CLVS1: variants seen among roughly 807,000 people sequenced by gnomAD.
CLVS1 encodes the protein clavesin 1.
Under a neutral mutation model 33.1 loss-of-function variants are expected in CLVS1, and 10 were observed. The observed-to-expected ratio is 0.30, with a 90% CI of 0.19 to 0.51. The LOEUF (loss-of-function observed/expected upper bound fraction) is 0.51, where lower values mean the gene tolerates loss of function less well. Ranked by LOEUF, CLVS1 falls within the 20% of genes least tolerant of loss-of-function variation. CLVS1 has a pLI of 0.97. For synonymous variants in CLVS1, 163 were observed against 166.1 expected, an observed-to-expected ratio of 0.98 and a Z score of 0.14; for missense variants, 343 against 433.4, an observed-to-expected ratio of 0.79 and a Z score of 1.85.
At chr8:61,373,711 C>G (rs1259489520) in intron 2 of CLVS1, among the ~76,000 whole-genome samples, 5 of 152,152 alleles carry the variant, frequency 3.3e-5, no homozygotes, top group Admixed American at 6.5e-5. Flanking sequence ...TCTCCTTGAT[C>G]TTTTTTCTTC....
At chr8:61,100,874 T>C (rs1805435933) in intron 1 of CLVS1, among the ~76,000 whole-genome samples, 1 of 152,238 alleles carries the variant, frequency 6.6e-6, no homozygotes, top group Non-Finnish European at 1.5e-5. Flanking sequence ...ATTTTGAAGG[T>C]TGATCCATGG....
At chr8:61,241,985 T>A (rs1193832668) in intron 2 of CLVS1, among the ~76,000 whole-genome samples, 1 of 152,134 alleles carries the variant, frequency 6.6e-6, no homozygotes, top group Admixed American at 6.5e-5. Context: ...GTCTCTGTGG[T>A]CTCTATTTTT....
At chr8:61,166,599 G>C (rs1806870659) in intron 2 of CLVS1, among the ~76,000 whole-genome samples, 1 of 151,974 alleles carries the variant, frequency 6.6e-6, no homozygotes, top group Non-Finnish European at 1.5e-5. Context: ...TGAGGTAAAA[G>C]AGAACTTTAT....
chr8:60,966,521 A>C, the CLVS1 span: 1 of 373,548 alleles, frequency 2.7e-6, no homozygotes, highest in Non-Finnish European at 5.4e-6. Context: ...CAGCATCCCA[A>C]TATATGCCAG....
At chr8:61,288,231 T>C in intron 1 of CLVS1, 93 bp downstream of exon 1, 1 of 456,330 alleles carries the variant, frequency 2.2e-6, no homozygotes, top group South Asian at 1.5e-5. Context: ...GTTTCAGCAC[T>C]TCGGTATGTG....
the CLVS1 span, among the ~76,000 whole-genome samples, chr8:60,989,873 A>C: frequency 7.9e-5 from 12 of 152,018 alleles, no homozygotes; most frequent in African/African-American, 2.7e-4. Flanking sequence ...TGCCTGTAAT[A>C]CCAGCACTTT....
At chr8:61,278,439 A>G (rs1448524295) in intron 2 of CLVS1, among the ~76,000 whole-genome samples, 1 of 152,184 alleles carries the variant, frequency 6.6e-6, no homozygotes. Flanking sequence ...TTTTAAAAGG[A>G]TCCTCGTATA....
At chr8:61,019,029 T>C in the CLVS1 span, among the ~76,000 whole-genome samples, 1 of 152,220 alleles carries the variant, frequency 6.6e-6, no homozygotes, top group East Asian at 1.9e-4. Flanking sequence ...ATGGACAACC[T>C]GGGAAGCTGC....
At chr8:61,414,042 T>TTGGGATG (rs1815335137) in intron 3 of CLVS1, among the ~76,000 whole-genome samples, 1 of 152,228 alleles carries the variant, frequency 6.6e-6, no homozygotes. Flanking sequence ...TCAACAGATA[T>TTGGGATG]TGGGATGTGA....
intron 2 of CLVS1, among the ~76,000 whole-genome samples, chr8:61,236,845 A>T (rs1444678440): frequency 6.6e-6 from 1 of 152,196 alleles, no homozygotes; most frequent in Admixed American, 6.5e-5. Context: ...GGCGCAGGGA[A>T]TTAGCTCCAA....
intron 2 of CLVS1, among the ~76,000 whole-genome samples, chr8:61,144,826 T>A (rs1806382670): frequency 6.6e-6 from 1 of 152,338 alleles, no homozygotes; most frequent in African/African-American, 2.4e-5. Flanking sequence ...GCTTCCTGGG[T>A]TCAGGTGATT....
chr8:61,470,449 A>G (rs144170590), intron 5 of CLVS1, among the ~76,000 whole-genome samples: 144 of 152,356 alleles, frequency 9.5e-4, no homozygotes, highest in African/African-American at 3.2e-3. Flanking sequence ...GAACTGTTTG[A>G]TTACTCACTG....
At chr8:61,177,788 A>G (rs769826845) in intron 2 of CLVS1, among the ~76,000 whole-genome samples, 1 of 146,014 alleles carries the variant, frequency 6.8e-6, no homozygotes. Flanking sequence ...AACGGAAAGA[A>G]ACAACAACAG....
chr8:61,377,108 A>G (rs1813676591), intron 3 of CLVS1: 1 of 213,390 alleles, frequency 4.7e-6, no homozygotes, highest in African/African-American at 2.3e-5. Context: ...TGATCATGTC[A>G]TATACAGGGG....
chr8:61,337,145 C>G (rs1183352856), intron 2 of CLVS1, among the ~76,000 whole-genome samples: 3 of 152,204 alleles, frequency 2.0e-5, no homozygotes, highest in Non-Finnish European at 4.4e-5. Flanking sequence ...AGCTCCTACT[C>G]TCTGTCTACA....
At chr8:61,258,527 G>A (rs1809133293) in intron 2 of CLVS1, among the ~76,000 whole-genome samples, 1 of 152,118 alleles carries the variant, frequency 6.6e-6, no homozygotes. Flanking sequence ...AGGGGACCAG[G>A]AGACAGAAGC....
Position 61,101,453 on chromosome 8 carries a change from A to G in CLVS1, c.-242-30317A>G, listed in dbSNP as rs574145407. 1.9e-3 allele frequency among the ~76,000 whole-genome samples: 287 copies of G among 152,242 alleles called. 2 individuals carry two copies. Among genetic ancestry groups the G allele is most frequent in the African/African-American group, 4.5e-3 (186 of 41,562 alleles). ...GTCTATTCAGATTCCTTGCTCATTT[A>G]AAAAAATTTAGTTTGTCTTATTATT... On this transcript the variant is annotated intron_variant, in intron 1 of 2. Coordinates refer to the CLVS1 transcript ENST00000522621.
At chr8:61,145,019 C>T (rs985513742) in intron 2 of CLVS1, among the ~76,000 whole-genome samples, 1 of 152,244 alleles carries the variant, frequency 6.6e-6, no homozygotes, top group African/African-American at 2.4e-5. Context: ...GTGTGAGCCA[C>T]CGCACCCGGC....
the CLVS1 span, among the ~76,000 whole-genome samples, chr8:61,024,908 C>T: frequency 6.7e-4 from 101 of 150,974 alleles, no homozygotes; most frequent in African/African-American, 1.9e-3. Context: ...AGTGCAGTGG[C>T]GTGATCTCTG....
Sources: gnomAD v4.1 joint callset for allele counts (sites outside exome capture counted in the v4.1 genomes callset) on GRCh38, gnomAD v4.1.1 for gene constraint, MANE v1.5 for transcripts, NCBI Gene and HGNC (gene_info 2026-07-23, HGNC 2026-07-21) for gene names.